Variants in SYT9 observed in about 807,000 individuals in gnomAD.
The protein encoded by SYT9 is synaptotagmin-9.
In SYT9, 22 loss-of-function variants were observed where a neutral mutation model predicts 48.4. The ratio of observed to expected loss-of-function variants is 0.45; its 90% confidence interval spans 0.32 to 0.65. The LOEUF is 0.65. SYT9 is among the 30% of genes least tolerant of loss of function. The pLI is 0.03. For synonymous variants in SYT9, 265 were observed against 245.0 expected (o/e 1.08, Z -0.76); for missense variants, 577 against 622.0 (o/e 0.93, Z 0.77).
intron 1 of SYT9, among the ~76,000 whole-genome samples, chr11:7,298,316 T>C (rs1489982582): frequency 2.0e-5 from 3 of 152,198 alleles, no homozygotes; most frequent in Non-Finnish European, 2.9e-5. Context: ...CTAGATCAGA[T>C]TGGATCTCAA....
In SYT9 at chr11:7,337,315, C is replaced by T. The variant is rs551870355; in HGVS notation, c.1044+23374C>T. ...AACCCGAGATAGTCTGACTTCCTCT[C>T]TTCCTATTTGGATGTGCTTTATTTC... On this transcript the variant is annotated intron_variant, in intron 3 of 6. Coordinates refer to ENST00000318881, the MANE Select transcript of SYT9 (RefSeq NM_175733.4). Among the ~76,000 whole-genome samples the T allele has an allele frequency of 2.6e-4, 39 of 152,256 alleles. 1 individual carries two copies. The highest frequency in any genetic ancestry group is 2.5e-3 in the Admixed American group (38 of 15,276).
chr11:7,463,960 T>C (rs1848281750), intron 6 of SYT9, among the ~76,000 whole-genome samples: 1 of 152,130 alleles, frequency 6.6e-6, no homozygotes, highest in South Asian at 2.1e-4. Context: ...GTGGTATCCC[T>C]GGGTATGGGG....
chr11:7,434,376 T>A (rs754595922), intron 6 of SYT9, among the ~76,000 whole-genome samples: 17 of 152,106 alleles, frequency 1.1e-4, no homozygotes, highest in Non-Finnish European at 2.2e-4. Flanking sequence ...TTGCCTCTAA[T>A]GAAGGAACCA....
At chr11:7,373,766 C>A (rs1850404668) in intron 3 of SYT9, among the ~76,000 whole-genome samples, 1 of 152,010 alleles carries the variant, frequency 6.6e-6, no homozygotes, top group Admixed American at 6.6e-5. Context: ...TTTGGAAGCA[C>A]CTGGAGGGTG....
At chr11:7,278,235 C>G (rs1848433712) in intron 1 of SYT9, among the ~76,000 whole-genome samples, 4 of 152,174 alleles carry the variant, frequency 2.6e-5, no homozygotes, top group Admixed American at 1.3e-4. Context: ...ACTTCCCCTC[C>G]CATGATAACC....
intron 6 of SYT9, among the ~76,000 whole-genome samples, chr11:7,449,908 C>T (rs1195839439): frequency 6.6e-6 from 1 of 152,126 alleles, no homozygotes; most frequent in Admixed American, 6.5e-5. Context: ...CCTCTCCTGC[C>T]TGCCCAACTA....
intron 2 of SYT9, 123 bp downstream of exon 2, chr11:7,303,513 C>A: frequency 1.1e-6 from 1 of 878,456 alleles, no homozygotes; most frequent in Non-Finnish European, 1.7e-6. Context: ...GTATCAGAGA[C>A]ATGAATATGG....
At chr11:7,354,654 T>C (rs1457970534) in intron 3 of SYT9, among the ~76,000 whole-genome samples, 1 of 152,184 alleles carries the variant, frequency 6.6e-6, no homozygotes, top group Admixed American at 6.5e-5. Context: ...GTCTGCTGAT[T>C]GTGTGCTTCT....
intron 6 of SYT9, 152 bp downstream of exon 6, chr11:7,420,787 C>A: frequency 1.1e-6 from 1 of 882,662 alleles, no homozygotes; most frequent in Non-Finnish European, 1.7e-6. Flanking sequence ...GACTTGCATT[C>A]AATTTGAGGC....
At chr11:7,391,264 C>T (rs563670620) in intron 3 of SYT9, among the ~76,000 whole-genome samples, 1 of 152,072 alleles carries the variant, frequency 6.6e-6, no homozygotes, top group Non-Finnish European at 1.5e-5. Context: ...TTGCAGTGAA[C>T]ATACAAGTGC....
Position 7,420,385 on chromosome 11 carries a change from AAAAC to A in SYT9, c.1338-101_1338-98del, listed in dbSNP as rs200173591. Reference sequence around the variant, plus strand: ...CTGTAGTTTTAAGTGAGGAAATGAAAAAACAAACAAACAAACAAACAAAAAACCA... The same window carrying A: ...CTGTAGTTTTAAGTGAGGAAATGAAAAAACAAACAAACAAACAAAAAACCA... On this transcript the variant is annotated intron_variant, in intron 5 of 6. Coordinates refer to ENST00000318881, the MANE Select transcript of SYT9 (RefSeq NM_175733.4). 1.6e-3 allele frequency: 2,075 copies of A among 1,332,958 alleles called. 15 individuals carry two copies. The African/African-American group carries it at 0.016, about 10-fold the overall frequency. The allele number at this position is 1,332,958 out of a possible 1,614,324, so 82.6% of individuals were successfully genotyped here.
At chr11:7,429,844 C>G (rs72846814) in intron 6 of SYT9, among the ~76,000 whole-genome samples, 1 of 152,122 alleles carries the variant, frequency 6.6e-6, no homozygotes, top group African/African-American at 2.4e-5. Flanking sequence ...AAGAGGGACA[C>G]TTGACTCTCA....
chr11:7,388,340 G>A (rs1189800269), intron 3 of SYT9, among the ~76,000 whole-genome samples: 1 of 152,100 alleles, frequency 6.6e-6, no homozygotes, highest in Non-Finnish European at 1.5e-5. Context: ...AAGTGGTGTT[G>A]TATTTTCAAC....
At chr11:7,259,783 T>G (rs1175744510) in intron 1 of SYT9, among the ~76,000 whole-genome samples, 1 of 152,148 alleles carries the variant, frequency 6.6e-6, no homozygotes, top group Non-Finnish European at 1.5e-5. Flanking sequence ...ATGTAAATAT[T>G]CTGTCAAATT....
intron 6 of SYT9, among the ~76,000 whole-genome samples, chr11:7,465,351 C>A (rs942172983): frequency 1.3e-5 from 2 of 152,210 alleles, no homozygotes; most frequent in Admixed American, 6.5e-5. Flanking sequence ...TATAGCCTCA[C>A]ATGTGAACTT....
chr11:7,300,690 C>G (rs1425199215), intron 1 of SYT9, among the ~76,000 whole-genome samples: 1 of 152,160 alleles, frequency 6.6e-6, no homozygotes, highest in African/African-American at 2.4e-5. Flanking sequence ...GATTTCACTG[C>G]TATGTGGAGC....
At chr11:7,423,594 A>G (rs1342125133) in intron 6 of SYT9, among the ~76,000 whole-genome samples, 1 of 152,216 alleles carries the variant, frequency 6.6e-6, no homozygotes, top group African/African-American at 2.4e-5. Context: ...GATATATAAT[A>G]AACACTCAGT....
At chr11:7,335,030 A>G (rs551533889) in intron 3 of SYT9, among the ~76,000 whole-genome samples, 1 of 152,306 alleles carries the variant, frequency 6.6e-6, no homozygotes, top group African/African-American at 2.4e-5. Context: ...GTGTATGTCT[A>G]CCTTTTGATG....
chr11:7,245,167 T>C (rs1847778280), intron 1 of SYT9, among the ~76,000 whole-genome samples: 1 of 152,224 alleles, frequency 6.6e-6, no homozygotes, highest in African/African-American at 2.4e-5. Context: ...CTGTCTCCAA[T>C]AAGCTGGAGA....
Sources: gnomAD v4.1 joint callset for allele counts (sites outside exome capture counted in the v4.1 genomes callset) on GRCh38, gnomAD v4.1.1 for gene constraint, MANE v1.5 for transcripts, NCBI Gene and HGNC (gene_info 2026-07-23, HGNC 2026-07-21) for gene names.